The following DISC1 variants were observed in gnomAD, a reference collection of about 807,000 sequenced individuals.
DISC1 encodes DISC1 scaffold protein.
DISC1 carries 57 observed loss-of-function variants against 84.5 expected under a neutral mutation model. That is an observed-to-expected ratio of 0.67 (90% CI 0.55 to 0.84). The LOEUF is 0.84. Ranked by LOEUF, DISC1 falls within the 40% of genes least tolerant of loss-of-function variation. The pLI is 0.00. For synonymous variants in DISC1, 411 were observed against 415.2 expected (o/e 0.99, Z 0.12); for missense variants, 1,000 against 1,057.8 (o/e 0.95, Z 0.76).
intron 1 of DISC1, among the ~76,000 whole-genome samples, chr1:231,681,498 G>A (rs1049481885): frequency 6.6e-6 from 1 of 151,982 alleles, no homozygotes; most frequent in Non-Finnish European, 1.5e-5. Flanking sequence ...AGGCTGCCCT[G>A]GTTTACCTTG....
chr1:231,750,023 G>C lies in DISC1; in HGVS notation c.1215G>C (p.Leu405=), dbSNP rs750983762. 9 of 1,614,070 alleles carry C rather than the reference G, an allele frequency of 5.6e-6. No homozygotes were observed. Residue 405 remains leucine (L), a synonymous_variant, in exon 4 of 13, where the codon CTG becomes CTC. Transcript: ENST00000439617. The part of the protein sequence containing the change: ...PSRQPALSSF[L]GHLAAQVQAA... ...GGCAGCCAGCTCTTAGCAGTTTCCT[G>C]GGTCACCTGGCAGCACAAGTCCAGG... is the stretch of plus-strand genomic sequence containing the variant.
At chr1:231,791,414 G>T (rs1202941719) in intron 6 of DISC1, among the ~76,000 whole-genome samples, 1 of 152,112 alleles carries the variant, frequency 6.6e-6, no homozygotes, top group Non-Finnish European at 1.5e-5. Context: ...TAGTCTCTTT[G>T]ATGAAATTTT....
At chr1:231,822,600 C>A (rs945821201) in intron 9 of DISC1, among the ~76,000 whole-genome samples, 1 of 152,180 alleles carries the variant, frequency 6.6e-6, no homozygotes, top group African/African-American at 2.4e-5. Context: ...TTGGCACAGT[C>A]TCACAATTTT....
At chr1:231,860,311 G>A (rs1025028729) in intron 9 of DISC1, among the ~76,000 whole-genome samples, 1 of 152,000 alleles carries the variant, frequency 6.6e-6, no homozygotes, top group African/African-American at 2.4e-5. Flanking sequence ...TAAAATGCTT[G>A]GGACAAGAAC....
chr1:231,626,795 C>T lies in DISC1; in HGVS notation c.-73C>T, dbSNP rs2125050271. 3.4e-6 allele frequency: 4 copies of T among 1,166,670 alleles called. No homozygotes were observed. The highest frequency in any genetic ancestry group is 4.5e-6 in the Non-Finnish European group (4 of 883,144). 72.3% of individuals were successfully genotyped at this position (1,166,670 alleles called of 1,614,324 possible). On this transcript the variant is annotated 5_prime_UTR_variant, in exon 1 of 13. Transcript: ENST00000439617. ...TTCCCGTCCAGCGCGCTGCTCCCTT[C>T]CCCCCGCCTCTGGCCTCGGGGAAGG...
At chr1:231,888,781 C>T (rs2086979756) in intron 9 of DISC1, among the ~76,000 whole-genome samples, 1 of 151,922 alleles carries the variant, frequency 6.6e-6, no homozygotes, top group African/African-American at 2.4e-5. Context: ...CCCCAGTGCC[C>T]CCATCCACAG....
intron 3 of DISC1, among the ~76,000 whole-genome samples, chr1:231,727,460 G>A (rs189163875): frequency 2.1e-3 from 326 of 152,166 alleles, no homozygotes; most frequent in Non-Finnish European, 3.8e-3. Flanking sequence ...GGCAGGGATG[G>A]ACATTTTACA....
In DISC1 at chr1:231,972,671, A is replaced by G. The variant is rs375990673; in HGVS notation, c.2042+13783A>G. Among the ~76,000 whole-genome samples the G allele has an allele frequency of 3.3e-5, 5 of 152,346 alleles. No homozygotes were observed. The East Asian group carries it at 9.6e-4, about 29-fold the overall frequency. ...GCTCATTTGGCTTCAGATTCCATGC[A>G]TAAATCTCCAGCTCTGACTGTTAAT... On this transcript the variant is annotated intron_variant, in intron 10 of 12. Transcript: ENST00000439617.
chr1:231,936,997 C>T (rs115313819), intron 9 of DISC1, among the ~76,000 whole-genome samples: 2,552 of 152,166 alleles, frequency 0.017, 35 homozygotes, highest in Admixed American at 0.025. Context: ...CCTGTGATAA[C>T]GAGAAACTAC....
chr1:231,911,315 G>A (rs1487866659), intron 9 of DISC1, among the ~76,000 whole-genome samples: 1 of 152,152 alleles, frequency 6.6e-6, no homozygotes, highest in Non-Finnish European at 1.5e-5. Context: ...GGCTGGTACT[G>A]GTTGTTCCTT....
Position 231,980,515 on chromosome 1 carries a change from C to T in DISC1, c.2042+21627C>T, listed in dbSNP as rs1572464842. Among the ~76,000 whole-genome samples, 3 of 152,238 alleles carry T rather than the reference C, an allele frequency of 2.0e-5. No individual in the cohort carries two copies. In the South Asian group the frequency reaches 6.2e-4, roughly 32 times the overall value. On this transcript the variant is annotated intron_variant, in intron 10 of 12. Coordinates refer to ENST00000439617, the MANE Select transcript of DISC1 (RefSeq NM_018662.3). ...CAACAGTCATAATTAATTGTATGCA[C>T]TGATTTTGGACATACTGCTTTATTT...
At chr1:231,886,791 CTTT>C (rs2086763735) in intron 9 of DISC1, among the ~76,000 whole-genome samples, 5 of 141,556 alleles carry the variant, frequency 3.5e-5, no homozygotes, top group African/African-American at 1.3e-4. Flanking sequence ...TTCTTTCTTT[CTTT>C]CTTTCTTTCT....
rs564772885 is a variant in DISC1, at chr1:231,762,063, A to G, written c.1269-5077A>G. Among the ~76,000 whole-genome samples, 4 of 151,392 alleles carry G rather than the reference A, an allele frequency of 2.6e-5. No homozygotes were observed. The South Asian group carries it at 8.4e-4, about 32-fold the overall frequency. ...TTCTGATGCATATAAATATCCTCAGACACATTTTATCTTTTTTTCTTTCTC... is the reference window on the plus strand; with the variant it reads ...TTCTGATGCATATAAATATCCTCAGGCACATTTTATCTTTTTTTCTTTCTC... On this transcript the variant is annotated intron_variant, in intron 4 of 12. Coordinates refer to ENST00000439617, the MANE Select transcript of DISC1 (RefSeq NM_018662.3).
At chr1:231,872,542 C>T (rs903082368) in intron 9 of DISC1, among the ~76,000 whole-genome samples, 9 of 152,116 alleles carry the variant, frequency 5.9e-5, no homozygotes, top group African/African-American at 2.2e-4. Context: ...AAATGCCTTT[C>T]TAGGGCTGAA....
intron 9 of DISC1, among the ~76,000 whole-genome samples, chr1:231,933,753 G>A (rs1178348560): frequency 6.6e-6 from 1 of 152,146 alleles, no homozygotes. Flanking sequence ...GGGAAGAGTT[G>A]GTGTCATGAG....
intron 1 of DISC1, among the ~76,000 whole-genome samples, chr1:231,653,612 C>T (rs1433178278): frequency 6.6e-6 from 1 of 152,156 alleles, no homozygotes; most frequent in Non-Finnish European, 1.5e-5. Context: ...TTGGTGAATA[C>T]TAGCTAGTCT....
intron 6 of DISC1, among the ~76,000 whole-genome samples, chr1:231,782,086 G>A (rs906937580): frequency 2.0e-5 from 3 of 152,230 alleles, no homozygotes; most frequent in African/African-American, 7.2e-5. Context: ...AGTGGGGGGT[G>A]CTGTGTCTTA....
chr1:231,878,832 C>G (rs768792685), intron 9 of DISC1, among the ~76,000 whole-genome samples: 5 of 152,152 alleles, frequency 3.3e-5, no homozygotes, highest in Non-Finnish European at 7.4e-5. Context: ...GGTAACAACA[C>G]TAGGTTAATT....
intron 9 of DISC1, among the ~76,000 whole-genome samples, chr1:231,872,158 T>G (rs891807452): frequency 6.6e-5 from 10 of 152,230 alleles, no homozygotes; most frequent in Non-Finnish European, 1.0e-4. Context: ...TCAATACCTA[T>G]ATCTCAAAAA....
Sources: gnomAD v4.1 joint callset for allele counts (sites outside exome capture counted in the v4.1 genomes callset) on GRCh38, gnomAD v4.1.1 for gene constraint, MANE v1.5 for transcripts, NCBI Gene and HGNC (gene_info 2026-07-23, HGNC 2026-07-21) for gene names.